Variants in PCMTD1 observed in about 807,000 individuals in gnomAD.
PCMTD1 encodes protein-L-isoaspartate O-methyltransferase domain-containing protein 1.
A neutral mutation model predicts 37.6 loss-of-function variants in PCMTD1; 12 were observed. The ratio of observed to expected loss-of-function variants is 0.32; its 90% CI spans 0.20 to 0.52. PCMTD1 has a LOEUF of 0.52. Among genes scored for constraint, PCMTD1 ranks in the 20% least tolerant of loss-of-function variants. The pLI is 0.97. For synonymous variants in PCMTD1, 117 were observed against 135.8 expected (o/e 0.86, Z 0.96); for missense variants, 235 against 421.3 (o/e 0.56, Z 3.87).
intron 1 of PCMTD1, among the ~76,000 whole-genome samples, chr8:51,875,003 C>A (rs1040115338): frequency 3.3e-5 from 5 of 152,142 alleles, no homozygotes; most frequent in African/African-American, 1.2e-4. Flanking sequence ...AAGTTAGTTG[C>A]AAGTTATATA....
At chr8:51,886,309 A>G (rs1004314159) in intron 1 of PCMTD1, among the ~76,000 whole-genome samples, 6 of 152,182 alleles carry the variant, frequency 3.9e-5, no homozygotes, top group African/African-American at 1.4e-4. Context: ...CTATCATTTC[A>G]AATTTAGAAT....
intron 1 of PCMTD1, among the ~76,000 whole-genome samples, chr8:51,872,123 T>A (rs1054620241): frequency 6.6e-6 from 1 of 152,234 alleles, no homozygotes; most frequent in Non-Finnish European, 1.5e-5. Context: ...TATAAAACTT[T>A]AAAGGACAAG....
chr8:51,870,315 C>T (rs2038620302), intron 1 of PCMTD1: 1 of 152,192 alleles, frequency 6.6e-6, no homozygotes, highest in Non-Finnish European at 1.5e-5. Context: ...AAGCTCTTGT[C>T]ATGGGATTCA....
At chr8:51,877,960 A>G (rs2038736030) in intron 1 of PCMTD1, among the ~76,000 whole-genome samples, 1 of 152,166 alleles carries the variant, frequency 6.6e-6, no homozygotes, top group African/African-American at 2.4e-5. Flanking sequence ...GGTGCAGAAA[A>G]CTCTGTGTGT....
At chr8:51,847,735 G>A (rs906353350) in intron 2 of PCMTD1, among the ~76,000 whole-genome samples, 4 of 152,032 alleles carry the variant, frequency 2.6e-5, no homozygotes, top group Non-Finnish European at 5.9e-5. Flanking sequence ...TTCCTTTTAG[G>A]GTGATCCATT....
At chr8:51,861,926 C>T (rs975886861) in intron 1 of PCMTD1, among the ~76,000 whole-genome samples, 2 of 151,976 alleles carry the variant, frequency 1.3e-5, no homozygotes, top group East Asian at 3.9e-4. Context: ...GTTGCCCAAA[C>T]TAGTCTCAAA....
At chr8:51,827,466 T>G (rs2037937410) in intron 5 of PCMTD1, 1 of 359,434 alleles carries the variant, frequency 2.8e-6, no homozygotes, top group Non-Finnish European at 5.6e-6. Flanking sequence ...CTGCCTGGGA[T>G]GTGAATCACC....
rs1481813977 is a variant in PCMTD1 at position 51,863,042 on chromosome 8, A to G, written c.-95-1796T>C. ...CATTTCAATACTTTTTTTTTTTTTAATAACATGGCCTTTAGCACAAGTCAA... is the reference window on the plus strand; with the variant it reads ...CATTTCAATACTTTTTTTTTTTTTAGTAACATGGCCTTTAGCACAAGTCAA... On this transcript the variant is annotated intron_variant, in intron 1 of 5. Transcript: ENST00000522514. Among the ~76,000 whole-genome samples the G allele has an allele frequency of 4.2e-5, 5 of 118,496 alleles. No homozygotes were observed. In the East Asian group the frequency reaches 1.2e-3, roughly 29 times the overall value. The allele number at this position is 118,496 out of a possible 152,430, so 77.7% of individuals were successfully genotyped here. A position where few individuals can be genotyped will look rare whatever the true frequency, so the allele number is the denominator to read the frequency against.
intron 2 of PCMTD1, among the ~76,000 whole-genome samples, chr8:51,858,629 T>G (rs1287840111): frequency 6.6e-6 from 1 of 152,244 alleles, no homozygotes; most frequent in East Asian, 1.9e-4. Context: ...AATTTAAGAC[T>G]TATTAGCTGT....
At chr8:51,832,244 G>T (rs147708823) in intron 4 of PCMTD1, among the ~76,000 whole-genome samples, 1 of 152,160 alleles carries the variant, frequency 6.6e-6, no homozygotes, top group Non-Finnish European at 1.5e-5. Flanking sequence ...CATATTTTAC[G>T]TATTTGAAAA....
At chr8:51,879,010 CA>C (rs576871839) in intron 1 of PCMTD1, among the ~76,000 whole-genome samples, 34 of 152,074 alleles carry the variant, frequency 2.2e-4, no homozygotes, top group African/African-American at 8.2e-4. Flanking sequence ...CCTGTGATCC[CA>C]GCGACTCGGA....
chr8:51,838,681 T>G (rs2038101910), intron 3 of PCMTD1, among the ~76,000 whole-genome samples: 1 of 152,176 alleles, frequency 6.6e-6, no homozygotes, highest in Non-Finnish European at 1.5e-5. Context: ...GCCTTGACTA[T>G]CTTCTGAAAA....
Position 51,875,595 on chromosome 8 carries a change from G to T in PCMTD1, c.-95-14349C>A, listed in dbSNP as rs376511450. The stretch of plus-strand genomic sequence containing the variant: ...GTTCATTATAAGTCATAGTCTAACA[G>T]AAAGTGCTCTTTTCAACATAAATAA... On this transcript the variant is annotated intron_variant, in intron 1 of 5. Transcript: ENST00000522514. Among the ~76,000 whole-genome samples the T allele has an allele frequency of 3.9e-4, 59 of 152,260 alleles. 1 individual carries two copies. The South Asian group carries it at 0.012, about 30-fold the overall frequency.
chr8:51,830,329 G>A (rs547845647), intron 5 of PCMTD1, among the ~76,000 whole-genome samples: 71 of 152,252 alleles, frequency 4.7e-4, no homozygotes, highest in African/African-American at 1.6e-3. Flanking sequence ...AAGCAGGTTC[G>A]TGCCACCTGA....
intron 5 of PCMTD1, chr8:51,827,335 T>TGGCAC: frequency 8.8e-7 from 1 of 1,140,136 alleles, no homozygotes; most frequent in South Asian, 1.3e-5. Context: ...CTTTCCACGG[T>TGGCAC]TTCCGCTTTC....
intron 1 of PCMTD1, among the ~76,000 whole-genome samples, chr8:51,871,896 A>G (rs187640770): frequency 6.6e-6 from 1 of 152,314 alleles, no homozygotes; most frequent in East Asian, 1.9e-4. Context: ...AATTTTTTAA[A>G]AAGAAGCTCT....
rs1408148331 is a variant in PCMTD1, at chr8:51,819,827, AT to A, written c.*523del. On this transcript the variant is annotated 3_prime_UTR_variant, in exon 6 of 6. Transcript: ENST00000522514. ...AAAGCTAAATTATTCAATATCTTGTATTGTTATTGCACTCATATATTGCCCG... is the reference window on the plus strand; with the variant it reads ...AAAGCTAAATTATTCAATATCTTGTATGTTATTGCACTCATATATTGCCCG... 2 of 152,622 alleles carry A rather than the reference AT, an allele frequency of 1.3e-5. No individual in the cohort carries two copies. The highest frequency in any genetic ancestry group is 3.8e-4 in the East Asian group (2 of 5,202). The allele number at this position is 152,622 out of a possible 1,614,324, so 9.5% of individuals were successfully genotyped here.
chr8:51,867,741 A>G (rs1452843836), intron 1 of PCMTD1, among the ~76,000 whole-genome samples: 1 of 151,980 alleles, frequency 6.6e-6, no homozygotes, highest in African/African-American at 2.4e-5. Flanking sequence ...ACATGATCTC[A>G]CTCATGTGGA....
chr8:51,879,511 G>A (rs1014926630), intron 1 of PCMTD1, among the ~76,000 whole-genome samples: 2 of 152,088 alleles, frequency 1.3e-5, no homozygotes, highest in Non-Finnish European at 2.9e-5. Flanking sequence ...ATATAAATCA[G>A]GTCAAGGAAA....
Sources: gnomAD v4.1 joint callset for allele counts (sites outside exome capture counted in the v4.1 genomes callset) on GRCh38, gnomAD v4.1.1 for gene constraint, MANE v1.5 for transcripts, NCBI Gene and HGNC (gene_info 2026-07-23, HGNC 2026-07-21) for gene names.